FOXP1: variants seen among roughly 807,000 people sequenced by gnomAD.
The protein encoded by FOXP1 is forkhead box protein P1.
A neutral mutation model predicts 98.2 loss-of-function variants in FOXP1; 15 were observed. The ratio of observed to expected loss-of-function variants is 0.15; its 90% CI spans 0.10 to 0.24. The LOEUF is 0.24. Among genes scored for constraint, FOXP1 ranks in the 10% least tolerant of loss-of-function variants. The pLI, the probability that FOXP1 is intolerant of heterozygous loss-of-function variation, is 1.00. For synonymous variants in FOXP1, 371 were observed against 314.5 expected (o/e 1.18, Z -1.90); for missense variants, 633 against 848.5 (o/e 0.75, Z 3.15).
intron 2 of FOXP1, among the ~76,000 whole-genome samples, chr3:71,512,491 T>A (rs1199962506): frequency 6.6e-6 from 1 of 152,092 alleles, no homozygotes; most frequent in Non-Finnish European, 1.5e-5. Flanking sequence ...ACCATATGCA[T>A]GTTCCTGAAG....
At chr3:71,527,858 C>A (rs1192719711) in intron 2 of FOXP1, among the ~76,000 whole-genome samples, 1 of 152,242 alleles carries the variant, frequency 6.6e-6, no homozygotes, top group Non-Finnish European at 1.5e-5. Flanking sequence ...CCTGTCCTGT[C>A]TACATATACT....
chr3:71,142,571 C>A (rs2108007213), intron 6 of FOXP1, among the ~76,000 whole-genome samples: 1 of 152,344 alleles, frequency 6.6e-6, no homozygotes, highest in South Asian at 2.1e-4. Context: ...TGTGGGTAGA[C>A]TCTAGATGCT....
Position 71,434,628 on chromosome 3 carries a change from T to TGG in FOXP1, c.-168+58796_-168+58797dup, listed in dbSNP as rs1553883009. 8.2e-5 allele frequency among the ~76,000 whole-genome samples: 8 copies of TGG among 97,830 alleles called. No homozygotes were observed. In the South Asian group the frequency reaches 8.8e-4, roughly 11 times the overall value. 64.2% of individuals were successfully genotyped at this position (97,830 alleles called of 152,430 possible). A position where few individuals can be genotyped will look rare whatever the true frequency, so the allele number is the denominator to read the frequency against. ...GGACACGGTGACCCTCATGAGGGGA[T>TGG]GGGGTGTGTGTGTGTGTGTGTGTGT... On this transcript the variant is annotated intron_variant, in intron 3 of 20. Coordinates refer to ENST00000649528, the MANE Select transcript of FOXP1 (RefSeq NM_001349338.3).
chr3:70,971,723 A>AC (rs1391070806), intron 18 of FOXP1: 1 of 283,036 alleles, frequency 3.5e-6, no homozygotes, highest in East Asian at 6.0e-5. Flanking sequence ...GTGGGGAGAG[A>AC]GGGGGGATTA....
chr3:71,399,250 G>C (rs957392462), intron 3 of FOXP1, among the ~76,000 whole-genome samples: 2 of 152,082 alleles, frequency 1.3e-5, no homozygotes, highest in Admixed American at 1.3e-4. Context: ...ATGTATGTGT[G>C]TATATACACA....
intron 2 of FOXP1, among the ~76,000 whole-genome samples, chr3:71,510,559 C>T (rs1176625221): frequency 1.3e-5 from 2 of 152,142 alleles, no homozygotes; most frequent in Non-Finnish European, 2.9e-5. Context: ...TGAAAGCACA[C>T]AGGTGCAGCA....
At chr3:71,285,199 T>C (rs528077975) in intron 5 of FOXP1, among the ~76,000 whole-genome samples, 17 of 152,240 alleles carry the variant, frequency 1.1e-4, no homozygotes, top group African/African-American at 3.4e-4. Context: ...GCCTCAAAAA[T>C]AGTAAGAAAC....
intron 3 of FOXP1, among the ~76,000 whole-genome samples, chr3:71,439,306 A>G (rs1011364678): frequency 1.3e-5 from 2 of 152,196 alleles, no homozygotes; most frequent in Admixed American, 1.3e-4. Context: ...GTCCATGTGC[A>G]TAGGGTGGGA....
intron 5 of FOXP1, among the ~76,000 whole-genome samples, chr3:71,219,541 A>G (rs1195332856): frequency 6.6e-6 from 1 of 152,232 alleles, no homozygotes; most frequent in Non-Finnish European, 1.5e-5. Flanking sequence ...GTTTTATGAA[A>G]TCGAAATACA....
intron 9 of FOXP1, among the ~76,000 whole-genome samples, chr3:71,051,206 T>C (rs1490560407): frequency 2.0e-5 from 3 of 152,218 alleles, no homozygotes; most frequent in Non-Finnish European, 4.4e-5. Context: ...TAGATTTACA[T>C]TTTAGACACT....
chr3:71,011,901 AATTC>A (rs2043709042), intron 12 of FOXP1, among the ~76,000 whole-genome samples: 1 of 152,136 alleles, frequency 6.6e-6, no homozygotes, highest in Non-Finnish European at 1.5e-5. Flanking sequence ...TCTAGGCCCC[AATTC>A]TAATGATCTT....
Position 71,259,835 on chromosome 3 carries a change from G to A in FOXP1, c.-12+39985C>T, listed in dbSNP as rs139802560. Among the ~76,000 whole-genome samples the A allele has an allele frequency of 1.8e-3, 276 of 152,330 alleles. 3 individuals carry two copies. The highest frequency in any genetic ancestry group is 2.4e-4 in the Non-Finnish European group (16 of 68,032). Reference sequence around the variant, plus strand: ...GCTAGTTACGTATAAAGTCCCTTAAGACAAGTGAGCCCAGATTAAGCTCCA... The same window carrying A: ...GCTAGTTACGTATAAAGTCCCTTAAAACAAGTGAGCCCAGATTAAGCTCCA... On this transcript the variant is annotated intron_variant, in intron 5 of 20. Coordinates refer to ENST00000649528, the MANE Select transcript of FOXP1 (RefSeq NM_001349338.3).
At chr3:71,162,634 T>C (rs558310784) in intron 6 of FOXP1, among the ~76,000 whole-genome samples, 9 of 152,310 alleles carry the variant, frequency 5.9e-5, no homozygotes, top group Non-Finnish European at 1.2e-4. Flanking sequence ...GTCAAACTGA[T>C]AGAGACAGGA....
At chr3:71,214,609 A>G (rs2064773241) in intron 5 of FOXP1, among the ~76,000 whole-genome samples, 1 of 152,206 alleles carries the variant, frequency 6.6e-6, no homozygotes, top group Admixed American at 6.5e-5. Context: ...ACACTCTAAA[A>G]TAGGGAATTA....
intron 5 of FOXP1, among the ~76,000 whole-genome samples, chr3:71,249,062 G>A (rs1467977726): frequency 6.6e-6 from 1 of 152,246 alleles, no homozygotes; most frequent in Non-Finnish European, 1.5e-5. Flanking sequence ...AACCCAGGAG[G>A]AACCAAAGTG....
At chr3:71,377,465 A>G (rs777649691) in intron 3 of FOXP1, among the ~76,000 whole-genome samples, 5 of 152,222 alleles carry the variant, frequency 3.3e-5, no homozygotes, top group Non-Finnish European at 5.9e-5. Context: ...TTGATAAACT[A>G]TAATATTTTC....
chr3:71,538,191 A>G (rs964964340), intron 2 of FOXP1, among the ~76,000 whole-genome samples: 2 of 152,240 alleles, frequency 1.3e-5, no homozygotes, highest in African/African-American at 4.8e-5. Context: ...CACATGCCAT[A>G]AAATTCACCC....
At chr3:71,049,176 CTCGAGTTT>C (rs1464605732) in intron 9 of FOXP1, among the ~76,000 whole-genome samples, 2 of 152,094 alleles carry the variant, frequency 1.3e-5, no homozygotes, top group Non-Finnish European at 2.9e-5. Context: ...CCTGATAAAC[CTCGAGTTT>C]CGGATCCCCT....
chr3:71,082,882 C>T (rs1451822038), intron 7 of FOXP1, among the ~76,000 whole-genome samples: 1 of 152,220 alleles, frequency 6.6e-6, no homozygotes, highest in Non-Finnish European at 1.5e-5. Context: ...AACAATATGG[C>T]TAGCAATATG....
Sources: allele counts gnomAD v4.1 joint callset (sites outside exome capture counted in the v4.1 genomes callset), GRCh38; gene constraint gnomAD v4.1.1; transcripts MANE v1.5; gene names NCBI Gene and HGNC (gene_info 2026-07-23, HGNC 2026-07-21).